The following SMAD3 variants were observed in gnomAD, a reference collection of about 807,000 sequenced individuals.
The protein encoded by SMAD3 is SMAD family member 3.
Under a neutral mutation model 51.8 loss-of-function variants are expected in SMAD3, and 12 were observed. That is an observed-to-expected ratio of 0.23 (90% CI 0.15 to 0.38). The LOEUF is 0.38. Ranked by LOEUF, SMAD3 falls within the 10% of genes least tolerant of loss-of-function variation. The pLI, the probability that SMAD3 is intolerant of heterozygous loss-of-function variation, is 1.00. For missense variants in SMAD3, 294 were observed against 565.6 expected (o/e 0.52, Z 4.87); for synonymous variants, 238 against 227.7 (o/e 1.05, Z -0.41).
At chr15:67,066,612 T>C (rs1178407946) in intron 1 of SMAD3, among the ~76,000 whole-genome samples, 1 of 152,150 alleles carries the variant, frequency 6.6e-6, no homozygotes, top group Non-Finnish European at 1.5e-5. Context: ...ACACCTCACA[T>C]TCCCTTTCCA....
intron 1 of SMAD3, among the ~76,000 whole-genome samples, chr15:67,149,436 G>T (rs1962067556): frequency 6.6e-6 from 1 of 152,172 alleles, no homozygotes; most frequent in Admixed American, 6.5e-5. Context: ...CCCTTTGCTT[G>T]TTCCTGATTG....
At chr15:67,155,437 G>A (rs942442883) in intron 1 of SMAD3, among the ~76,000 whole-genome samples, 7 of 152,160 alleles carry the variant, frequency 4.6e-5, no homozygotes, top group Admixed American at 2.6e-4. Flanking sequence ...TCCATTGCAT[G>A]GAAGAAATAA....
At chr15:67,076,630 A>G (rs1960176705) in intron 1 of SMAD3, among the ~76,000 whole-genome samples, 1 of 152,228 alleles carries the variant, frequency 6.6e-6, no homozygotes, top group African/African-American at 2.4e-5. Flanking sequence ...TCACGCTTCA[A>G]GAGTCATGCT....
chr15:67,125,735 C>G (rs1039042429), intron 1 of SMAD3: 7 of 985,538 alleles, frequency 7.1e-6, no homozygotes, highest in Middle Eastern at 5.2e-4. Context: ...CTTGTGCTTG[C>G]TGGAGGAGGA....
chr15:67,109,707 G>A (rs899836314), intron 1 of SMAD3, among the ~76,000 whole-genome samples: 1 of 152,228 alleles, frequency 6.6e-6, no homozygotes, highest in Non-Finnish European at 1.5e-5. Flanking sequence ...AAACCCAATG[G>A]ACTGAGAAAA....
chr15:67,080,573 T>G (rs1451729846), intron 1 of SMAD3, among the ~76,000 whole-genome samples: 2 of 152,242 alleles, frequency 1.3e-5, no homozygotes, highest in Non-Finnish European at 2.9e-5. Context: ...GACCTGACTT[T>G]TCCTGCTCTC....
rs117707762 is a variant in SMAD3, at chr15:67,192,778, A to G, written c.*2242A>G. ...AGGTGAAGGGGGAAAAAAAAAGCCTATACTTTGGCAGGTTATGAACTTTGA... is the reference window on the plus strand; with the variant it reads ...AGGTGAAGGGGGAAAAAAAAAGCCTGTACTTTGGCAGGTTATGAACTTTGA... On this transcript the variant is annotated 3_prime_UTR_variant, in exon 9 of 9. Transcript: ENST00000327367. 1.8e-3 allele frequency: 417 copies of G among 233,196 alleles called. 5 individuals carry two copies. In the East Asian group the frequency reaches 0.024, roughly 14 times the overall value. The allele number at this position is 233,196 out of a possible 1,614,324, so 14.4% of individuals were successfully genotyped here.
At chr15:67,098,153 G>C (rs951439430) in intron 1 of SMAD3, among the ~76,000 whole-genome samples, 5 of 152,096 alleles carry the variant, frequency 3.3e-5, no homozygotes, top group African/African-American at 1.2e-4. Flanking sequence ...GAGCTAACAC[G>C]GTGAGTCTTC....
intron 1 of SMAD3, among the ~76,000 whole-genome samples, chr15:67,076,470 A>C (rs1467876343): frequency 1.3e-5 from 2 of 152,050 alleles, no homozygotes; most frequent in East Asian, 3.9e-4. Flanking sequence ...CCCAAGTTGG[A>C]ATGCACTTCC....
chr15:67,114,721 C>T (rs936836288), intron 1 of SMAD3, among the ~76,000 whole-genome samples: 1 of 152,116 alleles, frequency 6.6e-6, no homozygotes, highest in Non-Finnish European at 1.5e-5. Flanking sequence ...CCTGCCAGTA[C>T]CCAGTCTTTA....
intron 1 of SMAD3, 105 bp from the exon 2 acceptor site, chr15:67,164,790 G>A (rs867462066): frequency 2.1e-5 from 25 of 1,169,744 alleles, no homozygotes; most frequent in Non-Finnish European, 3.2e-5. Flanking sequence ...GGAGAAATGA[G>A]GGGAGAGAGA....
chr15:67,107,084 C>G (rs1183732892), intron 1 of SMAD3, among the ~76,000 whole-genome samples: 1 of 151,948 alleles, frequency 6.6e-6, no homozygotes, highest in East Asian at 1.9e-4. Flanking sequence ...TCATCACCCT[C>G]TCTCCCACCC....
intron 5 of SMAD3, among the ~76,000 whole-genome samples, chr15:67,173,870 G>A (rs945356289): frequency 6.6e-6 from 1 of 152,078 alleles, no homozygotes; most frequent in African/African-American, 2.4e-5. Context: ...AGCAGGGTTT[G>A]TTGACCAGCG....
intron 1 of SMAD3, among the ~76,000 whole-genome samples, chr15:67,135,812 A>C (rs1017164635): frequency 2.6e-5 from 4 of 152,218 alleles, no homozygotes; most frequent in African/African-American, 9.7e-5. Context: ...GAAACATTTG[A>C]ATTACGGGCA....
intron 1 of SMAD3, among the ~76,000 whole-genome samples, chr15:67,118,891 G>T (rs755730502): frequency 6.6e-6 from 1 of 152,204 alleles, no homozygotes; most frequent in Non-Finnish European, 1.5e-5. Context: ...ATCCCCTGTT[G>T]TACCTAGCAC....
intron 1 of SMAD3, among the ~76,000 whole-genome samples, chr15:67,101,437 A>G (rs1417600160): frequency 5.3e-5 from 8 of 152,112 alleles, no homozygotes; most frequent in Non-Finnish European, 2.9e-5. Flanking sequence ...CAAATTTAGC[A>G]AGCCCCCTGA....
Position 67,150,798 on chromosome 15 carries a change from C to CTTTTT in SMAD3, c.207-14080_207-14076dup, listed in dbSNP as rs774186264. 8.2e-3 allele frequency among the ~76,000 whole-genome samples: 290 copies of CTTTTT among 35,522 alleles called. 29 individuals are homozygous for CTTTTT. Among genetic ancestry groups the CTTTTT allele is most frequent in the Non-Finnish European group, 0.011 (217 of 19,704 alleles). The allele number at this position is 35,522 out of a possible 152,430, so 23.3% of individuals were successfully genotyped here. The stretch of plus-strand genomic sequence containing the variant: ...GGGGAGGGGACTTTTCCATGTCCTG[C>CTTTTT]TTTTTTTTTTTTTTTTTTTTTATTA... On this transcript the variant is annotated intron_variant, in intron 1 of 8. Transcript: ENST00000327367.
At chr15:67,121,375 C>T (rs1961258980) in intron 1 of SMAD3, among the ~76,000 whole-genome samples, 1 of 152,178 alleles carries the variant, frequency 6.6e-6, no homozygotes, top group Non-Finnish European at 1.5e-5. Context: ...TCGTGGGTGG[C>T]TCTCCCCCCA....
intron 1 of SMAD3, among the ~76,000 whole-genome samples, chr15:67,163,624 G>C (rs914779727): frequency 5.3e-5 from 8 of 152,258 alleles, no homozygotes; most frequent in African/African-American, 1.9e-4. Context: ...AGTAGGTTGG[G>C]GTAGGCGCTG....
Sources: gnomAD v4.1 joint callset for allele counts (sites outside exome capture counted in the v4.1 genomes callset) on GRCh38, gnomAD v4.1.1 for gene constraint, MANE v1.5 for transcripts, NCBI Gene and HGNC (gene_info 2026-07-23, HGNC 2026-07-21) for gene names.